CR1L: variants seen among roughly 807,000 people sequenced by gnomAD.
The protein encoded by CR1L is complement component receptor 1-like protein.
A neutral mutation model predicts 62.3 loss-of-function variants in CR1L; 59 were observed. That is an observed-to-expected ratio of 0.95 (90% CI 0.77 to 1.18). The LOEUF is 1.18. Among genes scored for constraint, CR1L ranks in the 50% most tolerant of loss-of-function variants. CR1L has a pLI of 0.00. For synonymous variants in CR1L, 279 were observed against 248.7 expected, an observed-to-expected ratio of 1.12 and a Z score of -1.15; for missense variants, 700 against 702.8, an observed-to-expected ratio of 1.00 and a Z score of 0.04.
At chr1:207,687,914 G>A (rs904504985) in intron 4 of CR1L, among the ~76,000 whole-genome samples, 9 of 152,132 alleles carry the variant, frequency 5.9e-5, no homozygotes, top group African/African-American at 2.2e-4. Flanking sequence ...GTTGTAGTAA[G>A]TTCTACATTT....
chr1:207,645,470 T>G lies in CR1L; in HGVS notation c.97+140T>G, dbSNP rs1663105570. ...AGCGAGGCCAGGGTTCTCCGAGGGG[T>G]GCCGTGCTCAGATCCCGGGGGTATG... On this transcript the variant is annotated intron_variant, in intron 1 of 11. Transcript: ENST00000508064. 2.4e-5 allele frequency: 23 copies of G among 944,876 alleles called. No individual in the cohort carries two copies. The Admixed American group carries it at 4.7e-4, about 19-fold the overall frequency. The allele number at this position is 944,876 out of a possible 1,614,324, so 58.5% of individuals were successfully genotyped here. A position where few individuals can be genotyped will look rare whatever the true frequency, so the allele number is the denominator to read the frequency against.
At chr1:207,676,136 C>T (rs534095429) in intron 1 of CR1L, among the ~76,000 whole-genome samples, 2 of 152,258 alleles carry the variant, frequency 1.3e-5, no homozygotes, top group African/African-American at 2.4e-5. Context: ...CAGGCACTTA[C>T]TGATTAACTA....
At chr1:207,674,251 G>A (rs889471546) in intron 1 of CR1L, among the ~76,000 whole-genome samples, 4 of 152,172 alleles carry the variant, frequency 2.6e-5, no homozygotes, top group African/African-American at 7.2e-5. Flanking sequence ...GGGTATGATG[G>A]AAATGTTCAT....
chr1:207,664,275 G>T (rs1176487641), intron 1 of CR1L, among the ~76,000 whole-genome samples: 1 of 152,122 alleles, frequency 6.6e-6, no homozygotes, highest in Non-Finnish European at 1.5e-5. Context: ...TCATTTCTGT[G>T]GTCTTCAGTT....
intron 1 of CR1L, among the ~76,000 whole-genome samples, chr1:207,648,585 AAC>A (rs961020636): frequency 8.7e-6 from 1 of 114,434 alleles, no homozygotes; most frequent in Non-Finnish European, 1.9e-5. Flanking sequence ...AGCAGAAGGA[AAC>A]ATGTGTCAAA....
At chr1:207,715,542 T>C in intron 10 of CR1L, 1 of 475,046 alleles carries the variant, frequency 2.1e-6, no homozygotes, top group Non-Finnish European at 3.9e-6. Flanking sequence ...TCAAGAAGGG[T>C]CTTGTAGGAC....
At chr1:207,700,833 T>C (rs1229232192) in intron 8 of CR1L, among the ~76,000 whole-genome samples, 1 of 152,194 alleles carries the variant, frequency 6.6e-6, no homozygotes, top group Non-Finnish European at 1.5e-5. Flanking sequence ...TTAAGAAAGA[T>C]TGACTAAATG....
intron 10 of CR1L, chr1:207,710,437 C>A: frequency 6.3e-7 from 1 of 1,582,198 alleles, no homozygotes. Context: ...TTAGCACCGA[C>A]AGAGAGTATT....
At chr1:207,690,469 A>C (rs1434462710) in intron 4 of CR1L, among the ~76,000 whole-genome samples, 2 of 152,220 alleles carry the variant, frequency 1.3e-5, no homozygotes, top group East Asian at 3.8e-4. Context: ...AAAATGTTAC[A>C]TATGCACTTG....
At chr1:207,665,350 A>G (rs189588099) in intron 1 of CR1L, among the ~76,000 whole-genome samples, 1 of 149,124 alleles carries the variant, frequency 6.7e-6, no homozygotes, top group South Asian at 2.1e-4. Context: ...TGTAGTGACC[A>G]TTCTTGTACA....
At chr1:207,710,746 T>C in intron 10 of CR1L, 1 of 1,609,204 alleles carries the variant, frequency 6.2e-7, no homozygotes, top group Non-Finnish European at 8.5e-7. Context: ...TGCCAGGCCC[T>C]GAACAAATGG....
intron 4 of CR1L, among the ~76,000 whole-genome samples, chr1:207,686,982 A>C (rs1479050874): frequency 6.6e-6 from 1 of 152,188 alleles, no homozygotes; most frequent in South Asian, 2.1e-4. Flanking sequence ...ATGAGAAATA[A>C]ATTTTTGTTG....
intron 10 of CR1L, chr1:207,710,499 G>T: frequency 6.2e-7 from 1 of 1,607,674 alleles, no homozygotes; most frequent in Non-Finnish European, 8.5e-7. Flanking sequence ...AGCAGAGGGA[G>T]AAAGGTGTTT....
intron 1 of CR1L, among the ~76,000 whole-genome samples, chr1:207,671,084 C>T (rs1663608705): frequency 1.3e-5 from 2 of 151,062 alleles, no homozygotes; most frequent in East Asian, 1.9e-4. Flanking sequence ...TGCTACTTAC[C>T]AACTGGGGCT....
At chr1:207,723,421 C>CAA (rs370655665) in intron 11 of CR1L, among the ~76,000 whole-genome samples, 197 bp from the exon 12 acceptor site, 118 of 71,892 alleles carry the variant, frequency 1.6e-3, no homozygotes, top group Middle Eastern at 0.012. Flanking sequence ...GAGACTTTGT[C>CAA]AAAAAAAAAA....
chr1:207,662,623 G>A (rs1008342072), intron 1 of CR1L, among the ~76,000 whole-genome samples: 9 of 151,888 alleles, frequency 5.9e-5, no homozygotes, highest in Non-Finnish European at 1.0e-4. Flanking sequence ...TAGTTTGATC[G>A]TCTGAAGCCT....
At chr1:207,669,656 C>T (rs1213238180) in intron 1 of CR1L, 2 of 768,006 alleles carry the variant, frequency 2.6e-6, no homozygotes, top group Non-Finnish European at 4.0e-6. Flanking sequence ...GGCTGCGCTG[C>T]TCTGCGCGCC....
Position 207,645,336 on chromosome 1 carries a change from AC to A in CR1L, c.97+10del, listed in dbSNP as rs1182013989. On this transcript the variant is annotated splice_region_variant and intron_variant, in intron 1 of 11. Transcript: ENST00000508064. ...GCTGCTGTCCTCCTTCTCCGGTAGG[AC>A]CCCGGGGTGGATTCGCGCGTCCGCG... 26 of 1,613,108 alleles carry A rather than the reference AC, an allele frequency of 1.6e-5. No homozygotes were observed. Among genetic ancestry groups the A allele is most frequent in the Non-Finnish European group, 2.2e-5 (26 of 1,179,812 alleles).
chr1:207,694,279 A>C (rs1159440753), intron 4 of CR1L, 74 bp from the exon 5 acceptor site: 1 of 1,553,432 alleles, frequency 6.4e-7, no homozygotes, highest in Admixed American at 1.9e-5. Context: ...TGAATGTAAA[A>C]ATAGTTACAG....
Sources: allele counts gnomAD v4.1 joint callset (sites outside exome capture counted in the v4.1 genomes callset), GRCh38; gene constraint gnomAD v4.1.1; transcripts MANE v1.5; gene names NCBI Gene and HGNC (gene_info 2026-07-23, HGNC 2026-07-21).